Variants in CNTNAP2 observed in about 807,000 individuals in gnomAD.
CNTNAP2 encodes contactin-associated protein-like 2.
A neutral mutation model predicts 155.2 loss-of-function variants in CNTNAP2; 98 were observed. That is an observed-to-expected ratio of 0.63 (90% confidence interval 0.54 to 0.75). The LOEUF is 0.75. CNTNAP2 is among the 30% of genes least tolerant of loss of function. CNTNAP2 has a pLI of 0.00. For synonymous variants in CNTNAP2, 651 were observed against 631.2 expected (o/e 1.03, Z -0.47); for missense variants, 1,727 against 1,688.1 (o/e 1.02, Z -0.40).
At chr7:146,664,561 G>A (rs1800154727) in intron 1 of CNTNAP2, among the ~76,000 whole-genome samples, 1 of 152,158 alleles carries the variant, frequency 6.6e-6, no homozygotes, top group Non-Finnish European at 1.5e-5. Flanking sequence ...GATGTGATAT[G>A]TAAGGATTTT....
chr7:147,784,543 ATATATATG>A, intron 13 of CNTNAP2, among the ~76,000 whole-genome samples: 1 of 79,310 alleles, frequency 1.3e-5, no homozygotes, highest in African/African-American at 4.8e-5. Flanking sequence ...ATATATATAT[ATATATATG>A]AGTTTTTTTG....
At chr7:148,221,024 G>T (rs1795739963) in intron 19 of CNTNAP2, among the ~76,000 whole-genome samples, 1 of 152,038 alleles carries the variant, frequency 6.6e-6, no homozygotes, top group Non-Finnish European at 1.5e-5. Flanking sequence ...TGCTCCTCGA[G>T]TCACTGCCAC....
chr7:147,948,658 C>CATATATATATATATATAT, intron 14 of CNTNAP2, among the ~76,000 whole-genome samples: 1 of 148,648 alleles, frequency 6.7e-6, no homozygotes, highest in South Asian at 2.1e-4. Context: ...CACACACACA[C>CATATATATATATATATAT]ATATATATAT....
intron 3 of CNTNAP2, among the ~76,000 whole-genome samples, chr7:147,005,782 T>G (rs922218172): frequency 2.0e-5 from 3 of 152,092 alleles, no homozygotes; most frequent in Non-Finnish European, 4.4e-5. Context: ...CCTTTAGAGA[T>G]AAGTATTTCT....
intron 8 of CNTNAP2, among the ~76,000 whole-genome samples, chr7:147,168,263 A>G (rs1802159789): frequency 1.3e-5 from 2 of 151,488 alleles, no homozygotes. Context: ...TATGTATAAA[A>G]CTCAATTCAA....
rs115127936 is a variant in CNTNAP2 at position 147,531,623 on chromosome 7, C to T, written c.1778-30515C>T. On this transcript the variant is annotated intron_variant, in intron 11 of 23. Coordinates refer to ENST00000361727, the MANE Select transcript of CNTNAP2 (RefSeq NM_014141.6). ...GTAGCACGGGGAACCTGGGCCTGGCCCATGAAACCACTTTTTCCTCATGGG... is the reference window on the plus strand; with the variant it reads ...GTAGCACGGGGAACCTGGGCCTGGCTCATGAAACCACTTTTTCCTCATGGG... Among the ~76,000 whole-genome samples, 511 of 152,254 alleles carry T rather than the reference C, an allele frequency of 3.4e-3. 3 individuals carry two copies. Among genetic ancestry groups the T allele is most frequent in the African/African-American group, 0.012 (486 of 41,552 alleles).
intron 22 of CNTNAP2, among the ~76,000 whole-genome samples, chr7:148,393,734 C>A (rs1235564368): frequency 2.0e-5 from 3 of 152,102 alleles, no homozygotes; most frequent in African/African-American, 7.2e-5. Context: ...CAAAACAGTG[C>A]ATCATATTAT....
At chr7:147,167,228 A>G (rs565288917) in intron 8 of CNTNAP2, 24 of 347,308 alleles carry the variant, frequency 6.9e-5, no homozygotes, top group African/African-American at 5.1e-4. Context: ...TCCCAGAAAG[A>G]TGCTCCCTTT....
intron 1 of CNTNAP2, among the ~76,000 whole-genome samples, chr7:146,318,926 C>T (rs1800954413): frequency 6.6e-6 from 1 of 151,884 alleles, no homozygotes; most frequent in Non-Finnish European, 1.5e-5. Flanking sequence ...TAAATATAAC[C>T]GATTGACAGC....
chr7:146,304,755 T>C (rs1435965608), intron 1 of CNTNAP2, among the ~76,000 whole-genome samples: 4 of 152,016 alleles, frequency 2.6e-5, no homozygotes, highest in African/African-American at 7.2e-5. Flanking sequence ...TGTCTTGGAG[T>C]TGCTCTTCTC....
chr7:147,860,627 T>C (rs1490594878), intron 13 of CNTNAP2, among the ~76,000 whole-genome samples: 1 of 148,946 alleles, frequency 6.7e-6, no homozygotes, highest in Non-Finnish European at 1.5e-5. Flanking sequence ...TCCTCCTTGC[T>C]CTCTCTCTCT....
intron 13 of CNTNAP2, among the ~76,000 whole-genome samples, chr7:147,802,408 G>A (rs1798015212): frequency 6.6e-6 from 1 of 152,076 alleles, no homozygotes; most frequent in African/African-American, 2.4e-5. Context: ...TCGGCACTTT[G>A]GGAGGCCAAG....
intron 1 of CNTNAP2, among the ~76,000 whole-genome samples, chr7:146,572,541 G>A (rs923369280): frequency 1.3e-5 from 2 of 152,112 alleles, no homozygotes; most frequent in East Asian, 1.9e-4. Flanking sequence ...AGGAAAGTGC[G>A]CATATTTGCC....
At chr7:147,042,248 G>A (rs982233140) in intron 3 of CNTNAP2, among the ~76,000 whole-genome samples, 11 of 152,180 alleles carry the variant, frequency 7.2e-5, no homozygotes, top group South Asian at 2.1e-4. Context: ...AGCAGGAATC[G>A]TCACAGAAGA....
chr7:147,514,831 T>C (rs562808597), intron 11 of CNTNAP2, among the ~76,000 whole-genome samples: 13 of 152,186 alleles, frequency 8.5e-5, no homozygotes, highest in Non-Finnish European at 1.6e-4. Context: ...ACCGCCATTC[T>C]GGTTCAAACA....
At chr7:147,776,651 A>G (rs1041712634) in intron 13 of CNTNAP2, among the ~76,000 whole-genome samples, 2 of 152,198 alleles carry the variant, frequency 1.3e-5, no homozygotes, top group Admixed American at 6.5e-5. Flanking sequence ...TTATTTAAAT[A>G]AATATTGCTA....
intron 10 of CNTNAP2, among the ~76,000 whole-genome samples, chr7:147,455,118 T>A (rs1584957577): frequency 6.6e-6 from 1 of 152,172 alleles, no homozygotes; most frequent in Non-Finnish European, 1.5e-5. Flanking sequence ...TAATACTAAG[T>A]ACACCATATC....
intron 21 of CNTNAP2, among the ~76,000 whole-genome samples, chr7:148,320,381 T>A (rs924271277): frequency 3.9e-5 from 5 of 129,794 alleles, no homozygotes; most frequent in African/African-American, 1.5e-4. Context: ...TTTTTCTTTT[T>A]TTTTTTTTTT....
intron 1 of CNTNAP2, among the ~76,000 whole-genome samples, chr7:146,680,872 A>C (rs999587957): frequency 6.6e-6 from 1 of 152,204 alleles, no homozygotes; most frequent in Non-Finnish European, 1.5e-5. Context: ...GGTTCACTGC[A>C]TCTATTATTT....
Sources: gnomAD v4.1 joint callset for allele counts (sites outside exome capture counted in the v4.1 genomes callset) on GRCh38, gnomAD v4.1.1 for gene constraint, MANE v1.5 for transcripts, NCBI Gene and HGNC (gene_info 2026-07-23, HGNC 2026-07-21) for gene names.